Variants in RASGRF1 observed in about 807,000 individuals in gnomAD.
The protein encoded by RASGRF1 is Ras protein specific guanine nucleotide releasing factor 1.
In RASGRF1, 40 loss-of-function variants were observed where a neutral mutation model predicts 138.7. The ratio of observed to expected loss-of-function variants is 0.29; its 90% CI spans 0.22 to 0.38. The LOEUF is 0.38. RASGRF1 is among the 10% of genes least tolerant of loss of function. The pLI, the probability that RASGRF1 is intolerant of heterozygous loss-of-function variation, is 1.00. For synonymous variants in RASGRF1, 614 were observed against 663.2 expected (o/e 0.93, Z 1.14); for missense variants, 1,108 against 1,650.4 (o/e 0.67, Z 5.69).
intron 19 of RASGRF1, chr15:78,997,826 T>G (rs1421900483): frequency 2.1e-6 from 1 of 475,782 alleles, no homozygotes; most frequent in Non-Finnish European, 3.8e-6. Flanking sequence ...TTAGCAGCTG[T>G]GGACACACAT....
intron 16 of RASGRF1, 82 bp downstream of exon 16, chr15:79,001,580 C>T (rs2056526610): frequency 6.7e-7 from 1 of 1,485,206 alleles, no homozygotes; most frequent in Non-Finnish European, 9.2e-7. Flanking sequence ...AGGGATGACA[C>T]CCACTTGCCT....
At chr15:78,976,884 G>T (rs12101364) in intron 24 of RASGRF1, among the ~76,000 whole-genome samples, 3,566 of 152,334 alleles carry the variant, frequency 0.023, 57 homozygotes, top group African/African-American at 0.036. Flanking sequence ...GCCCTCACGG[G>T]CCTGCAGCTA....
In RASGRF1 at chr15:79,006,521, C is replaced by T; in HGVS notation, c.1827-87G>A. 1 of 1,452,950 alleles carries T rather than the reference C, an allele frequency of 6.9e-7. No homozygotes were observed. The highest frequency in any genetic ancestry group is 9.3e-7 in the Non-Finnish European group (1 of 1,071,154). The allele number at this position is 1,452,950 out of a possible 1,614,324, so 90.0% of individuals were successfully genotyped here. On this transcript the variant is annotated intron_variant, in intron 13 of 26. Coordinates refer to ENST00000558480, the MANE Select transcript of RASGRF1 (RefSeq NM_001145648.3). This position sits in a 1 kb window ranked among gnomAD's most constrained non-coding sequence, Gnocchi z 4.0. ...CAGGCCTGCTCATCACTGCTTCCCC[C>T]ACACACTGACAACACAGGATGGTCT...
chr15:79,088,887 T>C (rs564648697), intron 1 of RASGRF1, among the ~76,000 whole-genome samples: 75 of 152,272 alleles, frequency 4.9e-4, no homozygotes, highest in Non-Finnish European at 8.2e-4. Flanking sequence ...TGGCTTGTCA[T>C]CCCCAGGGAC....
intron 9 of RASGRF1, 152 bp from the exon 10 acceptor site, chr15:79,025,626 G>T: frequency 1.1e-6 from 1 of 940,764 alleles, no homozygotes; most frequent in Non-Finnish European, 1.6e-6. Context: ...ACTCCTTTAG[G>T]CCTCTCTGCA....
At chr15:78,994,085 T>C (rs917556956) in intron 20 of RASGRF1, among the ~76,000 whole-genome samples, 14 of 152,174 alleles carry the variant, frequency 9.2e-5, no homozygotes, top group Non-Finnish European at 1.9e-4. Flanking sequence ...CCTCATGCTG[T>C]TGAGGGGTAA....
intron 13 of RASGRF1, among the ~76,000 whole-genome samples, chr15:79,010,664 C>T (rs989816102): frequency 6.6e-6 from 1 of 152,234 alleles, no homozygotes; most frequent in Non-Finnish European, 1.5e-5. Context: ...ATTCCTATCT[C>T]CCAGGCATCA....
At chr15:79,059,975 CACACACAGACACACAG>C (rs1217274771) in intron 2 of RASGRF1, among the ~76,000 whole-genome samples, 1,371 of 11,866 alleles carry the variant, frequency 0.12, 15 homozygotes, top group African/African-American at 0.25. Context: ...CACACACACA[CACACACAGACACACAG>C]ACACACACAC....
At chr15:79,005,274 T>C (rs1296136386) in intron 14 of RASGRF1, 1 of 985,350 alleles carries the variant, frequency 1.0e-6, no homozygotes, top group African/African-American at 1.8e-5. Context: ...GAGGTGTGGA[T>C]TGGGGGAGGA....
chr15:79,078,155 A>ATGTGTGTGTG, intron 1 of RASGRF1, among the ~76,000 whole-genome samples: 2 of 60,612 alleles, frequency 3.3e-5, no homozygotes, highest in Middle Eastern at 0.018. Flanking sequence ...GTGTGTGTGC[A>ATGTGTGTGTG]TGCATGTGCG....
At chr15:79,079,529 A>G (rs2057885746) in intron 1 of RASGRF1, among the ~76,000 whole-genome samples, 1 of 152,206 alleles carries the variant, frequency 6.6e-6, no homozygotes, top group South Asian at 2.1e-4. Flanking sequence ...ATGGTGATCA[A>G]TGTACTTGCA....
At chr15:79,033,784 T>C (rs952220387) in intron 6 of RASGRF1, among the ~76,000 whole-genome samples, 5 of 151,838 alleles carry the variant, frequency 3.3e-5, no homozygotes, top group South Asian at 4.2e-4. Context: ...GAGACGGGGT[T>C]TCACCATGTT....
chr15:79,087,131 A>G (rs945585169), intron 1 of RASGRF1, among the ~76,000 whole-genome samples: 9 of 152,316 alleles, frequency 5.9e-5, no homozygotes, highest in African/African-American at 2.2e-4. Flanking sequence ...GAGACTGCAC[A>G]ATGTTAGGAT....
At chr15:79,010,875 A>T (rs1274359077) in intron 13 of RASGRF1, among the ~76,000 whole-genome samples, 1 of 152,158 alleles carries the variant, frequency 6.6e-6, no homozygotes, top group Non-Finnish European at 1.5e-5. Context: ...ATCCATCCAC[A>T]GAGCTGCTGC....
intron 2 of RASGRF1, among the ~76,000 whole-genome samples, chr15:79,059,214 CT>C: frequency 7.8e-6 from 1 of 128,954 alleles, no homozygotes; most frequent in African/African-American, 3.3e-5. Flanking sequence ...TTTCCCTTCC[CT>C]TCCCTATCCT....
intron 10 of RASGRF1, among the ~76,000 whole-genome samples, chr15:79,022,487 A>G (rs2056975605): frequency 6.8e-6 from 1 of 146,736 alleles, no homozygotes; most frequent in Non-Finnish European, 1.5e-5. Context: ...CAAAAAAACT[A>G]ATCACAAACA....
In RASGRF1 at chr15:79,020,022, A is replaced by G. The variant is rs184400190; in HGVS notation, c.1606+19T>C. The G allele has an allele frequency of 1.2e-5, 19 of 1,613,632 alleles. No individual in the cohort carries two copies. The highest frequency in any genetic ancestry group is 8.9e-5 in the East Asian group (4 of 44,888). On this transcript the variant is annotated intron_variant, in intron 11 of 26. Transcript: ENST00000558480. ...TCTGTGCAAGCACACACATGCGCAC[A>G]TGCAGCTTTCACACTCACCTTCCTC...
intron 1 of RASGRF1, among the ~76,000 whole-genome samples, chr15:79,081,973 G>T (rs1015291747): frequency 5.3e-5 from 8 of 152,188 alleles, no homozygotes; most frequent in Non-Finnish European, 1.2e-4. Flanking sequence ...TTAATGAAAG[G>T]AGGGGAGGCC....
intron 18 of RASGRF1, 72 bp downstream of exon 18, chr15:78,998,647 G>T: frequency 2.3e-6 from 3 of 1,320,596 alleles, no homozygotes; most frequent in Non-Finnish European, 3.3e-6. Flanking sequence ...AGCTGCTTTT[G>T]GAAGGCAGCT....
Sources: gnomAD v4.1 joint callset for allele counts (sites outside exome capture counted in the v4.1 genomes callset) on GRCh38, gnomAD v4.1.1 for gene constraint, Gnocchi (gnomAD v3.1) non-coding constraint, MANE v1.5 for transcripts, NCBI Gene and HGNC (gene_info 2026-07-23, HGNC 2026-07-21) for gene names.